Variants in DENND1A observed in about 807,000 individuals in gnomAD.
DENND1A encodes the protein DENN domain containing 1A.
In DENND1A, 51 loss-of-function variants were observed where a neutral mutation model predicts 113.7. That is an observed-to-expected ratio of 0.45 (90% CI 0.36 to 0.57). The LOEUF is 0.57. Ranked by LOEUF, DENND1A falls within the 20% of genes least tolerant of loss-of-function variation. The pLI, the probability that DENND1A is intolerant of heterozygous loss-of-function variation, is 0.00. For synonymous variants in DENND1A, 565 were observed against 570.8 expected, an observed-to-expected ratio of 0.99 and a Z score of 0.14; for missense variants, 1,258 against 1,395.9, an observed-to-expected ratio of 0.90 and a Z score of 1.57.
intron 8 of DENND1A, among the ~76,000 whole-genome samples, chr9:123,664,659 A>G (rs943162536): frequency 7.9e-5 from 12 of 152,126 alleles, no homozygotes; most frequent in African/African-American, 2.9e-4. Context: ...TAATTTCTAA[A>G]TAATAACTAA....
chr9:123,711,513 G>GTATATATATATATATATATATA (rs56814463), intron 5 of DENND1A, among the ~76,000 whole-genome samples: 16 of 120,962 alleles, frequency 1.3e-4, no homozygotes, highest in East Asian at 2.3e-4. Context: ...ATGTATATAT[G>GTATATATATATATATATATATA]TATATATATA....
intron 12 of DENND1A, among the ~76,000 whole-genome samples, chr9:123,574,173 C>CTTTTTTTTTTTTTTT (rs542615815): frequency 8.2e-5 from 9 of 110,118 alleles, no homozygotes; most frequent in African/African-American, 2.4e-4. Context: ...CTGTAGTTGC[C>CTTTTTTTTTTTTTTT]TTTTTTTTTT....
intron 5 of DENND1A, 80 bp downstream of exon 5, chr9:123,757,623 A>G: frequency 1.9e-6 from 3 of 1,562,750 alleles, no homozygotes; most frequent in African/African-American, 1.4e-5. Context: ...GAACAGCTGG[A>G]AGATTTAATT....
intron 13 of DENND1A, among the ~76,000 whole-genome samples, chr9:123,491,067 T>C (rs973660833): frequency 6.6e-6 from 1 of 152,138 alleles, no homozygotes; most frequent in Non-Finnish European, 1.5e-5. Context: ...GAACGGTTAG[T>C]GGAAAAGAAC....
At chr9:123,466,205 G>C (rs1009673107) in intron 13 of DENND1A, among the ~76,000 whole-genome samples, 1 of 151,862 alleles carries the variant, frequency 6.6e-6, no homozygotes, top group Non-Finnish European at 1.5e-5. Context: ...CACCATGTTA[G>C]CCAGGATGGT....
chr9:123,732,240 C>T (rs767807347), intron 5 of DENND1A, among the ~76,000 whole-genome samples: 1 of 152,182 alleles, frequency 6.6e-6, no homozygotes, highest in Non-Finnish European at 1.5e-5. Flanking sequence ...AATCTGTGTG[C>T]AAATGTTTGT....
chr9:123,718,775 C>A (rs1332989159), intron 5 of DENND1A, among the ~76,000 whole-genome samples: 1 of 152,178 alleles, frequency 6.6e-6, no homozygotes, highest in Non-Finnish European at 1.5e-5. Context: ...CAAAGGCAAG[C>A]CCAGACAACA....
At position 123,676,749 on chromosome 9, in the gene DENND1A, T is replaced by C; in HGVS notation, c.343A>G (p.Ile115Val). ...CTTTTTGTCGTGTAATCTGCCAGGA[T>C]GTTAAGCAGCTTATAAAATACCTCG... is the stretch of plus-strand genomic sequence containing the variant. ...WFEVFYKLLN[I>V]LADYTTKRQE... Residue 115 changes from isoleucine (I) to valine (V), a missense_variant, in exon 6 of 24, where the codon ATC becomes GTC. Around this residue, in one of 2 missense-constraint regions of DENND1A, gnomAD observed 99 missense variants for 164.2 expected, o/e 0.60. Transcript: ENST00000394215. The C allele has an allele frequency of 6.2e-7, 1 of 1,614,080 alleles. No individual in the cohort carries two copies. Among genetic ancestry groups the C allele is most frequent in the East Asian group, 2.2e-5 (1 of 44,862 alleles).
At chr9:123,884,009 T>C (rs148315529) in intron 1 of DENND1A, among the ~76,000 whole-genome samples, 2 of 152,268 alleles carry the variant, frequency 1.3e-5, no homozygotes, top group East Asian at 3.9e-4. Context: ...TTATGTAACA[T>C]ACCAACAAAT....
At chr9:123,632,497 C>G (rs1248610061) in intron 9 of DENND1A, among the ~76,000 whole-genome samples, 1 of 152,168 alleles carries the variant, frequency 6.6e-6, no homozygotes, top group Admixed American at 6.5e-5. Flanking sequence ...TGACCTGATT[C>G]CACCCTGAAG....
chr9:123,463,205 G>A (rs1345123829), intron 13 of DENND1A, among the ~76,000 whole-genome samples: 2 of 152,192 alleles, frequency 1.3e-5, no homozygotes, highest in African/African-American at 4.8e-5. Flanking sequence ...AGTTTTCCAA[G>A]TATGACCTGA....
intron 13 of DENND1A, among the ~76,000 whole-genome samples, chr9:123,540,343 T>C (rs1052461922): frequency 2.6e-5 from 4 of 152,142 alleles, no homozygotes; most frequent in African/African-American, 7.2e-5. Flanking sequence ...ATTACAGAAA[T>C]AGAAAAGTGG....
chr9:123,738,367 A>C (rs1428618840), intron 5 of DENND1A, among the ~76,000 whole-genome samples: 1 of 151,984 alleles, frequency 6.6e-6, no homozygotes, highest in African/African-American at 2.4e-5. Context: ...ACAGCACAAG[A>C]GAATAAAAAA....
chr9:123,852,333 G>A (rs532847449), intron 2 of DENND1A, among the ~76,000 whole-genome samples: 1 of 152,254 alleles, frequency 6.6e-6, no homozygotes, highest in South Asian at 2.1e-4. Context: ...ACCTTGGGGA[G>A]GCTGAGGATA....
intron 21 of DENND1A, among the ~76,000 whole-genome samples, chr9:123,389,219 T>C (rs1490341081): frequency 6.6e-6 from 1 of 152,224 alleles, no homozygotes. Context: ...ATCCCAGCAC[T>C]TGCACATCAG....
At chr9:123,501,343 G>T (rs999391367) in intron 13 of DENND1A, among the ~76,000 whole-genome samples, 23 of 152,122 alleles carry the variant, frequency 1.5e-4, no homozygotes, top group Non-Finnish European at 2.8e-4. Flanking sequence ...ACTCATCTGT[G>T]GATGGACACC....
chr9:123,615,777 G>A lies in DENND1A; in HGVS notation c.720-6296C>T, dbSNP rs79379094. On this transcript the variant is annotated intron_variant, in intron 10 of 23. Transcript: ENST00000394215. ...GTCAGTCACAAAAGCACAGAATCCT[G>A]TTTCCCAGAGCCTCCCATGGTGCCA... Among the ~76,000 whole-genome samples the A allele has an allele frequency of 6.3e-3, 960 of 152,300 alleles. 5 individuals are homozygous for A. The highest frequency in any genetic ancestry group is 0.011 in the Non-Finnish European group (733 of 68,024).
chr9:123,822,083 C>T (rs560032735), intron 2 of DENND1A, among the ~76,000 whole-genome samples: 7 of 152,306 alleles, frequency 4.6e-5, no homozygotes, highest in Admixed American at 1.3e-4. Context: ...AATCCTTAGA[C>T]GCTTTGGCTT....
At chr9:123,792,529 T>C (rs752106239) in intron 3 of DENND1A, 58 bp downstream of exon 3, 76 of 1,557,564 alleles carry the variant, frequency 4.9e-5, no homozygotes, top group Admixed American at 8.5e-5. Flanking sequence ...AGTAATAATA[T>C]GTTGAACAAC....
Sources: allele counts gnomAD v4.1 joint callset (sites outside exome capture counted in the v4.1 genomes callset), GRCh38; gene constraint gnomAD v4.1.1; regional missense constraint gnomAD v4.1.1; transcripts MANE v1.5; gene names NCBI Gene and HGNC (gene_info 2026-07-23, HGNC 2026-07-21).